Variants in TRPM3 observed in about 807,000 individuals in gnomAD.
TRPM3 encodes long transient receptor potential channel 3.
TRPM3 carries 77 observed loss-of-function variants against 181.2 expected under a neutral mutation model. That is an observed-to-expected ratio of 0.42 (90% CI 0.35 to 0.51). TRPM3 has a LOEUF of 0.51. Among genes scored for constraint, TRPM3 ranks in the 20% least tolerant of loss-of-function variants. The pLI, the probability that TRPM3 is intolerant of heterozygous loss-of-function variation, is 0.01. For synonymous variants in TRPM3, 745 were observed against 796.4 expected (o/e 0.94, Z 1.09); for missense variants, 1,759 against 2,196.7 (o/e 0.80, Z 3.98).
intron 1 of TRPM3, among the ~76,000 whole-genome samples, chr9:71,127,986 T>C (rs1370018701): frequency 1.3e-5 from 2 of 152,220 alleles, no homozygotes; most frequent in African/African-American, 4.8e-5. Context: ...TAGCAACTTA[T>C]TACTACCAAT....
chr9:71,357,967 C>T lies in TRPM3; in HGVS notation c.183+88686G>A, dbSNP rs375478332. On this transcript the variant is annotated intron_variant, in intron 1 of 24. Coordinates refer to the TRPM3 transcript ENST00000357533. ...TTGATTGCTCACTCTACCTTTCTGT[C>T]CCAGGTCTTAATGCAACAAGGGCCT... is the stretch of plus-strand genomic sequence containing the variant. 4.4e-4 allele frequency among the ~76,000 whole-genome samples: 67 copies of T among 152,208 alleles called. 4 individuals carry two copies. The East Asian group carries it at 0.011, about 26-fold the overall frequency.
chr9:70,980,676 T>C (rs1052956161), intron 1 of TRPM3, among the ~76,000 whole-genome samples: 1 of 152,226 alleles, frequency 6.6e-6, no homozygotes, highest in Admixed American at 6.5e-5. Flanking sequence ...CCCTAATTTA[T>C]TCACTCAGTA....
chr9:70,697,552 T>C (rs145071798), intron 8 of TRPM3, among the ~76,000 whole-genome samples: 1 of 152,334 alleles, frequency 6.6e-6, no homozygotes, highest in East Asian at 1.9e-4. Context: ...AAACTCTGCA[T>C]AAAAATTATA....
At chr9:71,216,436 C>A (rs745526126) in intron 1 of TRPM3, among the ~76,000 whole-genome samples, 8 of 152,150 alleles carry the variant, frequency 5.3e-5, no homozygotes, top group Admixed American at 5.2e-4. Flanking sequence ...AAATATTATA[C>A]TTTAATCTAC....
intron 1 of TRPM3, among the ~76,000 whole-genome samples, chr9:71,402,709 T>A (rs1428302216): frequency 6.6e-6 from 1 of 152,158 alleles, no homozygotes; most frequent in Non-Finnish European, 1.5e-5. Context: ...AAATAATTAT[T>A]TTAAAGCAAA....
At chr9:70,753,726 AG>A (rs1292651545) in intron 8 of TRPM3, among the ~76,000 whole-genome samples, 2 of 151,940 alleles carry the variant, frequency 1.3e-5, no homozygotes, top group Admixed American at 6.6e-5. Context: ...AAGTGGTGGG[AG>A]GGGGGAGGTA....
At position 70,537,264 on chromosome 9, in the gene TRPM3, T is replaced by C. The variant is rs776445890; in HGVS notation, c.3849A>G (p.Thr1283=). 2 of 1,587,724 alleles carry C rather than the reference T, an allele frequency of 1.3e-6. No individual in the cohort carries two copies. The highest frequency in any genetic ancestry group is 1.1e-5 in the South Asian group (1 of 88,914). The change falls in exon 26 of 26, where the codon ACA becomes ACG. Residue 1283 remains threonine, a synonymous_variant. Coordinates refer to ENST00000677713, the MANE Select transcript of TRPM3 (RefSeq NM_001366145.2). ...GRMATALERL[T]GLERAESNKI... ...TGTTGGACTCGGCCCGCTCCAGACCTGTCAGGCGCTCCAGGGCCGTGGCCA... is the reference window on the plus strand; with the variant it reads ...TGTTGGACTCGGCCCGCTCCAGACCCGTCAGGCGCTCCAGGGCCGTGGCCA...
intron 9 of TRPM3, among the ~76,000 whole-genome samples, chr9:70,646,622 A>G (rs1477728469): frequency 1.3e-5 from 2 of 152,100 alleles, no homozygotes; most frequent in African/African-American, 2.4e-5. Context: ...AATGTAGACT[A>G]TGGGTTGATA....
chr9:71,093,701 C>A, intron 1 of TRPM3, among the ~76,000 whole-genome samples: 1 of 152,002 alleles, frequency 6.6e-6, no homozygotes, highest in Non-Finnish European at 1.5e-5. Context: ...GATCTAGAAC[C>A]AGAAATACCA....
intron 1 of TRPM3, among the ~76,000 whole-genome samples, chr9:71,012,031 C>T (rs1291807245): frequency 6.6e-6 from 1 of 152,128 alleles, no homozygotes; most frequent in Non-Finnish European, 1.5e-5. Flanking sequence ...GATCTGCCCG[C>T]ATTGGCCTCT....
At chr9:70,619,314 A>T (rs1775067134) in intron 16 of TRPM3, among the ~76,000 whole-genome samples, 1 of 151,586 alleles carries the variant, frequency 6.6e-6, no homozygotes, top group Non-Finnish European at 1.5e-5. Context: ...CAAACAATAC[A>T]TGATCTCTGT....
At chr9:70,568,904 A>G (rs1263004058) in intron 22 of TRPM3, among the ~76,000 whole-genome samples, 16 of 152,216 alleles carry the variant, frequency 1.1e-4, no homozygotes, top group Admixed American at 7.2e-4. Flanking sequence ...ACTTTTGAGG[A>G]CAAGTATGGC....
intron 1 of TRPM3, among the ~76,000 whole-genome samples, chr9:70,949,768 T>C (rs1388513144): frequency 6.6e-6 from 1 of 152,160 alleles, no homozygotes; most frequent in East Asian, 1.9e-4. Context: ...AATAACGGGA[T>C]GAGCATCAGA....
chr9:70,659,390 A>C (rs2060803187), intron 9 of TRPM3, among the ~76,000 whole-genome samples: 3 of 152,084 alleles, frequency 2.0e-5, no homozygotes, highest in South Asian at 4.2e-4. Flanking sequence ...AATTGACCCA[A>C]CTCATAGGTA....
chr9:70,765,090 G>A (rs2078855366), intron 7 of TRPM3, among the ~76,000 whole-genome samples: 1 of 152,152 alleles, frequency 6.6e-6, no homozygotes, highest in Admixed American at 6.6e-5. Flanking sequence ...AGAAAACTAT[G>A]CCCTAAGGAG....
chr9:70,912,314 C>T (rs949808988), intron 1 of TRPM3, among the ~76,000 whole-genome samples: 2 of 152,110 alleles, frequency 1.3e-5, no homozygotes, highest in African/African-American at 4.8e-5. Context: ...TGGCTAAAGG[C>T]TAAACAACTT....
At chr9:70,749,215 C>A (rs987273673) in intron 8 of TRPM3, among the ~76,000 whole-genome samples, 4 of 152,060 alleles carry the variant, frequency 2.6e-5, no homozygotes, top group Non-Finnish European at 5.9e-5. Context: ...TCTTGTGTAT[C>A]CTGAATTGAT....
At chr9:71,138,971 T>G (rs1374893733) in intron 1 of TRPM3, among the ~76,000 whole-genome samples, 2 of 152,182 alleles carry the variant, frequency 1.3e-5, no homozygotes, top group African/African-American at 4.8e-5. Context: ...TGCCTCATGA[T>G]TAGTATATTT....
At chr9:70,778,964 G>T (rs1279323502) in intron 7 of TRPM3, among the ~76,000 whole-genome samples, 1 of 152,022 alleles carries the variant, frequency 6.6e-6, no homozygotes, top group African/African-American at 2.4e-5. Context: ...AGAGAAACAC[G>T]CTTTTGCCAC....
Sources: gnomAD v4.1 joint callset for allele counts (sites outside exome capture counted in the v4.1 genomes callset) on GRCh38, gnomAD v4.1.1 for gene constraint, MANE v1.5 for transcripts, NCBI Gene and HGNC (gene_info 2026-07-23, HGNC 2026-07-21) for gene names.